The following VAT1L variants were observed in gnomAD, a reference collection of about 807,000 sequenced individuals.
VAT1L encodes vesicle amine transport 1 like.
VAT1L carries 34 observed loss-of-function variants against 44.1 expected under a neutral mutation model. That is an observed-to-expected ratio of 0.77 (90% CI 0.59 to 1.03). VAT1L has a LOEUF of 1.03. Ranked by LOEUF, VAT1L falls within the 50% of genes least tolerant of loss-of-function variation. The pLI is 0.00. For missense variants in VAT1L, 615 were observed against 538.8 expected (o/e 1.14, Z -1.40); for synonymous variants, 253 against 202.2 (o/e 1.25, Z -2.13).
chr16:77,863,796 G>A (rs1762528520), intron 4 of VAT1L, among the ~76,000 whole-genome samples: 1 of 152,118 alleles, frequency 6.6e-6, no homozygotes, highest in Non-Finnish European at 1.5e-5. Context: ...CATGAGGTGA[G>A]GCTGAGCAAG....
intron 3 of VAT1L, among the ~76,000 whole-genome samples, chr16:77,832,689 A>G (rs1350209998): frequency 1.3e-5 from 2 of 152,258 alleles, no homozygotes; most frequent in African/African-American, 2.4e-5. Flanking sequence ...ATTAAATTCT[A>G]TTCGTTATGG....
rs138820912 is a variant in VAT1L at position 77,806,296 on chromosome 16, G to A, written c.234-10625G>A. Among the ~76,000 whole-genome samples the A allele has an allele frequency of 1.1e-4, 17 of 151,698 alleles. No individual in the cohort carries two copies. In the East Asian group the frequency reaches 2.2e-3, roughly 19 times the overall value. On this transcript the variant is annotated intron_variant, in intron 1 of 8. Coordinates refer to ENST00000302536, the MANE Select transcript of VAT1L (RefSeq NM_020927.3). ...AAGATCTCGGCTCATTGCAAGCTCC[G>A]CCTCCCGGGTTGAAGCCATTCTCCT...
intron 2 of VAT1L, among the ~76,000 whole-genome samples, chr16:77,823,559 A>G (rs2145244518): frequency 6.6e-6 from 1 of 152,334 alleles, no homozygotes; most frequent in African/African-American, 2.4e-5. Flanking sequence ...GTATGTCATT[A>G]GGCAAGATAC....
chr16:77,836,407 G>C (rs1024038429), intron 3 of VAT1L, among the ~76,000 whole-genome samples: 1 of 152,090 alleles, frequency 6.6e-6, no homozygotes, highest in African/African-American at 2.4e-5. Flanking sequence ...GAACTAAATG[G>C]CTTTATCATG....
At chr16:77,903,577 C>G (rs2017407295) in intron 7 of VAT1L, among the ~76,000 whole-genome samples, 1 of 152,098 alleles carries the variant, frequency 6.6e-6, no homozygotes, top group South Asian at 2.1e-4. Flanking sequence ...GCCCAAATAT[C>G]TTACAGAGAA....
chr16:77,944,616 C>T (rs1348161502), intron 7 of VAT1L, among the ~76,000 whole-genome samples: 1 of 152,148 alleles, frequency 6.6e-6, no homozygotes, highest in Non-Finnish European at 1.5e-5. Context: ...GGAGATAATG[C>T]CTGTAAGCCA....
At chr16:77,821,676 A>G (rs2016455675) in intron 2 of VAT1L, among the ~76,000 whole-genome samples, 1 of 152,152 alleles carries the variant, frequency 6.6e-6, no homozygotes, top group African/African-American at 2.4e-5. Flanking sequence ...CAGTCTATAA[A>G]ATGGGAACAA....
intron 7 of VAT1L, among the ~76,000 whole-genome samples, chr16:77,944,656 T>C (rs980187376): frequency 3.9e-5 from 6 of 152,234 alleles, no homozygotes; most frequent in African/African-American, 1.4e-4. Context: ...TATATTGTTA[T>C]GTTCTCAACA....
intron 7 of VAT1L, among the ~76,000 whole-genome samples, chr16:77,934,784 T>A (rs921188439): frequency 1.2e-4 from 18 of 152,120 alleles, no homozygotes; most frequent in African/African-American, 4.1e-4. Context: ...AAGTACTTAA[T>A]TGTGTGATAT....
intron 4 of VAT1L, among the ~76,000 whole-genome samples, chr16:77,874,286 G>T (rs1185390305): frequency 6.6e-6 from 1 of 152,044 alleles, no homozygotes; most frequent in East Asian, 1.9e-4. Flanking sequence ...GGTAAAAGCA[G>T]ACCAGGACCC....
Position 77,975,971 on chromosome 16 carries a change from T to A in VAT1L, c.1162-1626T>A, listed in dbSNP as rs143116895. Reference sequence around the variant, plus strand: ...TGCTGTAGAACAGAACTAACAACAATAATTACTACTATTGCTGCTACTTCA... The same window carrying A: ...TGCTGTAGAACAGAACTAACAACAAAAATTACTACTATTGCTGCTACTTCA... On this transcript the variant is annotated intron_variant, in intron 8 of 8. Transcript: ENST00000302536. Among the ~76,000 whole-genome samples the A allele has an allele frequency of 3.9e-3, 591 of 152,282 alleles. 2 individuals are homozygous for A. Among genetic ancestry groups the A allele is most frequent in the African/African-American group, 0.014 (568 of 41,550 alleles).
chr16:77,830,449 T>G (rs1236387743), intron 3 of VAT1L, among the ~76,000 whole-genome samples: 1 of 152,156 alleles, frequency 6.6e-6, no homozygotes, highest in Non-Finnish European at 1.5e-5. Context: ...CATCTTGAAT[T>G]ATGGCTCCCA....
At chr16:77,916,253 G>A (rs1346237861) in intron 7 of VAT1L, among the ~76,000 whole-genome samples, 2 of 152,108 alleles carry the variant, frequency 1.3e-5, no homozygotes, top group Non-Finnish European at 2.9e-5. Context: ...GTGTGTTCTT[G>A]AGCAAAGAAG....
intron 7 of VAT1L, among the ~76,000 whole-genome samples, chr16:77,959,492 A>C (rs979400375): frequency 3.3e-5 from 5 of 152,196 alleles, no homozygotes; most frequent in African/African-American, 1.2e-4. Flanking sequence ...TTTCTTAATT[A>C]AAGTATTACT....
At chr16:77,837,195 T>A (rs1320788203) in intron 3 of VAT1L, among the ~76,000 whole-genome samples, 1 of 152,140 alleles carries the variant, frequency 6.6e-6, no homozygotes, top group East Asian at 1.9e-4. Flanking sequence ...CGACTTTGCC[T>A]CCGTGAGTTA....
At chr16:77,966,529 G>A (rs1323261848) in intron 7 of VAT1L, among the ~76,000 whole-genome samples, 1 of 152,118 alleles carries the variant, frequency 6.6e-6, no homozygotes, top group Non-Finnish European at 1.5e-5. Flanking sequence ...GTGATGAAAG[G>A]TGAAGAAAAG....
chr16:77,818,766 CA>C (rs1230490490), intron 2 of VAT1L, among the ~76,000 whole-genome samples: 2 of 152,070 alleles, frequency 1.3e-5, no homozygotes, highest in African/African-American at 2.4e-5. Flanking sequence ...TGTGGCTGCA[CA>C]AAAAAATAAG....
chr16:77,857,614 CTTAA>C lies in VAT1L; in HGVS notation c.580-5131_580-5128del, dbSNP rs554650371. Among the ~76,000 whole-genome samples the C allele has an allele frequency of 2.1e-4, 32 of 150,698 alleles. No individual in the cohort carries two copies. In the East Asian group the frequency reaches 4.9e-3, roughly 23 times the overall value. ...CATAATACTCACATAGCATACTAAT[CTTAA>C]TTGTGTTATTAGTAATTCTATTTCT... On this transcript the variant is annotated intron_variant, in intron 3 of 8. Transcript: ENST00000302536.
intron 2 of VAT1L, among the ~76,000 whole-genome samples, chr16:77,823,747 A>G (rs2016486826): frequency 6.6e-6 from 1 of 152,228 alleles, no homozygotes; most frequent in African/African-American, 2.4e-5. Flanking sequence ...AGCTGGGTAC[A>G]GTGGCTCATG....
Sources: gnomAD v4.1 joint callset for allele counts (sites outside exome capture counted in the v4.1 genomes callset) on GRCh38, gnomAD v4.1.1 for gene constraint, MANE v1.5 for transcripts, NCBI Gene and HGNC (gene_info 2026-07-23, HGNC 2026-07-21) for gene names.